Variants in ABHD14B observed in about 807,000 individuals in gnomAD.
The protein encoded by ABHD14B is putative protein-lysine deacylase ABHD14B.
Under a neutral mutation model 15.4 loss-of-function variants are expected in ABHD14B, and 19 were observed. The ratio of observed to expected loss-of-function variants is 1.23; its 90% confidence interval spans 0.86 to 1.81. The LOEUF (loss-of-function observed/expected upper bound fraction) is 1.81, where lower values mean the gene tolerates loss of function less well. ABHD14B is among the 40% of genes most tolerant of loss of function. ABHD14B has a pLI of 0.00. For synonymous variants in ABHD14B, 92 were observed against 117.3 expected (o/e 0.78, Z 1.39); for missense variants, 243 against 267.0 (o/e 0.91, Z 0.63).
At chr3:51,969,629 G>A (rs750971672) in intron 3 of ABHD14B, 24 bp from the exon 4 acceptor site, 1 of 1,599,408 alleles carries the variant, frequency 6.3e-7, no homozygotes, top group Non-Finnish European at 8.5e-7. Context: ...TAGGGGGGTG[G>A]GGCAGAGTCA....
rs1700651831 is a variant in ABHD14B at position 51,971,457 on chromosome 3, T to C, written c.211+3A>G. The C allele has an allele frequency of 6.4e-7, 1 of 1,572,158 alleles. No individual in the cohort carries two copies. Among genetic ancestry groups the C allele is most frequent in the Admixed American group, 1.8e-5 (1 of 54,420 alleles). ...CCTGCCCAGAAGCCTGCCCCTTAAG[T>C]ACCTGGCAGGTCAATGGCCACAGCC... On this transcript the variant is annotated splice_donor_region_variant and intron_variant, in intron 2 of 3. Transcript: ENST00000361143.
Position 51,968,674 on chromosome 3 carries a change from C to G in ABHD14B, c.*752G>C, listed in dbSNP as rs1045903486. 1 of 152,272 alleles carries G rather than the reference C, an allele frequency of 6.6e-6. No homozygotes were observed. Among genetic ancestry groups the G allele is most frequent in the South Asian group, 2.1e-4 (1 of 4,828 alleles). The allele number at this position is 152,272 out of a possible 1,614,324, so 9.4% of individuals were successfully genotyped here. ...AAGCAGGGGGCAAAGCGGTGGCCCT[C>G]CCTTTCTGGGGGTCACTTCTGGGCT... On this transcript the variant is annotated 3_prime_UTR_variant, in exon 4 of 4. Coordinates refer to ENST00000361143, the MANE Select transcript of ABHD14B (RefSeq NM_001146314.2).
chr3:51,969,761 G>A, intron 3 of ABHD14B, 156 bp from the exon 4 acceptor site: 3 of 1,406,034 alleles, frequency 2.1e-6, no homozygotes, highest in Non-Finnish European at 2.9e-6. Flanking sequence ...GTCTGCCCCA[G>A]AACACAGTTT....
At chr3:51,974,134 T>C (rs1700730262), upstream of ABHD14B, 1 of 999,874 alleles carries the variant, frequency 1.0e-6, no homozygotes. Context: ...GTCCATAGAC[T>C]CCGCTAAACT....
intron 1 of ABHD14B, among the ~76,000 whole-genome samples, chr3:51,973,522 T>TTTTTTTCTTC (rs1700705957): frequency 6.7e-6 from 1 of 149,778 alleles, no homozygotes; most frequent in African/African-American, 2.5e-5. Flanking sequence ...TTTTTTTCTT[T>TTTTTTTCTTC]TTTTTTTTTT....
At position 51,969,835 on chromosome 3, in the gene ABHD14B, C is replaced by A. The variant is rs554454985; in HGVS notation, c.453+108G>T. 52 of 1,593,262 alleles carry A rather than the reference C, an allele frequency of 3.3e-5. No individual in the cohort carries two copies. In the African/African-American group the frequency reaches 6.4e-4, roughly 20 times the overall value. ...AAAGGGTGGAGTTGGGTGGTCAGCT[C>A]CTCCCAGAAGACACCCCTTGATTAT... On this transcript the variant is annotated intron_variant, in intron 3 of 3. Transcript: ENST00000361143.
intron 1 of ABHD14B, among the ~76,000 whole-genome samples, chr3:51,972,858 G>C (rs1327795769): frequency 6.6e-6 from 1 of 152,036 alleles, no homozygotes; most frequent in East Asian, 1.9e-4. Context: ...GGGGTAAAAA[G>C]CCCATTTTAT....
In ABHD14B at chr3:51,969,935, A is replaced by G; in HGVS notation, c.453+8T>C. On this transcript the variant is annotated splice_region_variant and intron_variant, in intron 3 of 3. Coordinates refer to ENST00000361143, the MANE Select transcript of ABHD14B (RefSeq NM_001146314.2). ...GCAGGGGCACCTCAGCTTCCCACAC[A>G]AGGGTACCTTCACACTGGCATAGTT... The G allele has an allele frequency of 1.2e-6, 2 of 1,614,170 alleles. No individual in the cohort carries two copies. Among genetic ancestry groups the G allele is most frequent in the East Asian group, 4.5e-5 (2 of 44,878 alleles).
At chr3:51,973,218 G>GTTTT (rs777687947) in intron 1 of ABHD14B, among the ~76,000 whole-genome samples, 1 of 139,826 alleles carries the variant, frequency 7.2e-6, no homozygotes, top group South Asian at 2.3e-4. Context: ...CTAATTTTTT[G>GTTTT]TTTTTTTTTT....
Position 51,969,504 on chromosome 3 carries a change from C to T in ABHD14B, c.555G>A (p.Gly185=), listed in dbSNP as rs761927953. Residue 185 remains glycine (G), a synonymous_variant, in exon 4 of 4, where the codon GGG becomes GGA. Transcript: ENST00000361143. The part of the protein sequence containing the change: ...LPNHRVLIMK[G]AGHPCYLDKP... ...TGTCCAGGTAACAGGGGTGCCCCGCCCCCTTCATGATCAGCACCCGGTGGT... is the reference window on the plus strand; with the variant it reads ...TGTCCAGGTAACAGGGGTGCCCCGCTCCCTTCATGATCAGCACCCGGTGGT... 1 of 1,614,004 alleles carries T rather than the reference C, an allele frequency of 6.2e-7. No homozygotes were observed. The highest frequency in any genetic ancestry group is 1.3e-5 in the African/African-American group (1 of 75,044).
In ABHD14B at chr3:51,969,237, C is replaced by T. The variant is rs1016693129; in HGVS notation, c.*189G>A. 5.3e-6 allele frequency: 3 copies of T among 565,438 alleles called. No homozygotes were observed. The highest frequency in any genetic ancestry group is 7.3e-5 in the Admixed American group (2 of 27,340). The allele number at this position is 565,438 out of a possible 1,614,324, so 35.0% of individuals were successfully genotyped here. A position where few individuals can be genotyped will look rare whatever the true frequency, so the allele number is the denominator to read the frequency against. ...CTGAGAGTTTTTTCTCTTGATTTTA[C>T]CCCCTCAGTCTATCACTGCAAGAGA... On this transcript the variant is annotated 3_prime_UTR_variant, in exon 4 of 4. Coordinates refer to ENST00000361143, the MANE Select transcript of ABHD14B (RefSeq NM_001146314.2).
intron 1 of ABHD14B, 64 bp from the exon 2 acceptor site, chr3:51,971,762 A>G: frequency 6.6e-7 from 1 of 1,510,558 alleles, no homozygotes. Flanking sequence ...GCAGTCCCAG[A>G]GGAGCAGCAA....
At chr3:51,973,697 G>C in intron 1 of ABHD14B, 2 of 492,890 alleles carry the variant, frequency 4.1e-6, no homozygotes, top group Non-Finnish European at 6.9e-6. Flanking sequence ...TCTAGAGGCG[G>C]AAACCGAAGC....
In ABHD14B at chr3:51,969,519, C is replaced by T. The variant is rs1243683650; in HGVS notation, c.540G>A (p.Val180=). ...GGTGCCCCGCCCCCTTCATGATCAG[C>T]ACCCGGTGGTTGGGCAGCTGCTTCA... ...EHLKQLPNHR[V]LIMKGAGHPC... The change falls in exon 4 of 4, where the codon GTG becomes GTA. Residue 180 remains valine (V), a synonymous_variant. Transcript: ENST00000361143. 4.3e-6 allele frequency: 7 copies of T among 1,613,994 alleles called. No homozygotes were observed. Among genetic ancestry groups the T allele is most frequent in the Admixed American group, 1.7e-5 (1 of 60,018 alleles).
intron 2 of ABHD14B, 91 bp downstream of exon 2, chr3:51,971,369 G>T: frequency 7.3e-7 from 1 of 1,367,386 alleles, no homozygotes; most frequent in Admixed American, 3.0e-5. Context: ...CCCCACCCCT[G>T]GAGTGGGGAG....
chr3:51,973,768 C>T, intron 1 of ABHD14B, 197 bp downstream of exon 1: 1 of 1,175,010 alleles, frequency 8.5e-7, no homozygotes, highest in South Asian at 1.3e-5. Context: ...CCACCTGGGG[C>T]CCAACGCGTT....
intron 3 of ABHD14B, 33 bp from the exon 4 acceptor site, chr3:51,969,638 C>G (rs779810080): frequency 6.3e-7 from 1 of 1,588,166 alleles, no homozygotes; most frequent in South Asian, 1.1e-5. Flanking sequence ...GGGGCAGAGT[C>G]AACAGGGACC....
chr3:51,974,136 C>T (rs1485644280), upstream of ABHD14B: 2 of 993,462 alleles, frequency 2.0e-6, no homozygotes, highest in African/African-American at 1.7e-5. Flanking sequence ...CCATAGACTC[C>T]GCTAAACTCG....
rs1206961751 is a variant in ABHD14B, at chr3:51,968,931, T to G, written c.*495A>C. On this transcript the variant is annotated 3_prime_UTR_variant, in exon 4 of 4. Transcript: ENST00000361143. ...GTGCATGCCAGTCCAGAGTTAGATG[T>G]ACCTATGCAGTTGCCCTCAAGCGAA... 6.3e-6 allele frequency: 1 copy of G among 159,470 alleles called. No individual in the cohort carries two copies. Among genetic ancestry groups the G allele is most frequent in the African/African-American group, 2.4e-5 (1 of 41,538 alleles). 9.9% of individuals were successfully genotyped at this position (159,470 alleles called of 1,614,324 possible).
Sources: allele counts gnomAD v4.1 joint callset (sites outside exome capture counted in the v4.1 genomes callset), GRCh38; gene constraint gnomAD v4.1.1; transcripts MANE v1.5; gene names NCBI Gene and HGNC (gene_info 2026-07-23, HGNC 2026-07-21).